KCNK10: variants seen among roughly 807,000 people sequenced by gnomAD.
KCNK10 encodes potassium channel subfamily K member 10.
A neutral mutation model predicts 47.7 loss-of-function variants in KCNK10; 25 were observed. That is an observed-to-expected ratio of 0.52 (90% CI 0.38 to 0.73). The LOEUF is 0.73. KCNK10 is among the 30% of genes least tolerant of loss of function. The pLI is 0.00. For missense variants in KCNK10, 563 were observed against 714.5 expected (o/e 0.79, Z 2.42); for synonymous variants, 303 against 285.6 (o/e 1.06, Z -0.61).
chr14:88,245,654 TTC>T (rs113325163), intron 2 of KCNK10, among the ~76,000 whole-genome samples: 10,388 of 152,230 alleles, frequency 0.068, 856 homozygotes, highest in African/African-American at 0.2. Context: ...GATCATCTGT[TTC>T]TCTGTTTCCT....
At chr14:88,238,178 C>A (rs1886349477) in intron 3 of KCNK10, among the ~76,000 whole-genome samples, 2 of 152,210 alleles carry the variant, frequency 1.3e-5, no homozygotes, top group Non-Finnish European at 2.9e-5. Flanking sequence ...TCTTCTGAAG[C>A]CTCCTTACCT....
Position 88,216,532 on chromosome 14 carries a change from A to C in KCNK10, c.681+10843T>G, listed in dbSNP as rs534703104. Reference sequence around the variant, plus strand: ...ACTCCTATGACAAAGAATTATCCAGACCAAAATGTCAATAGTATCGAGGCT... The same window carrying C: ...ACTCCTATGACAAAGAATTATCCAGCCCAAAATGTCAATAGTATCGAGGCT... On this transcript the variant is annotated intron_variant, in intron 4 of 6. Coordinates refer to ENST00000319231, the MANE Select transcript of KCNK10 (RefSeq NM_138317.3). Among the ~76,000 whole-genome samples, 8 of 152,254 alleles carry C rather than the reference A, an allele frequency of 5.3e-5. No homozygotes were observed. In the South Asian group the frequency reaches 1.7e-3, roughly 32 times the overall value.
chr14:88,230,122 T>C (rs890302118), intron 3 of KCNK10, among the ~76,000 whole-genome samples: 17 of 152,152 alleles, frequency 1.1e-4, no homozygotes, highest in African/African-American at 4.1e-4. Context: ...AAGAGTTACA[T>C]GTGAAGATTA....
chr14:88,234,248 C>T (rs1886234410), intron 3 of KCNK10, among the ~76,000 whole-genome samples: 1 of 152,192 alleles, frequency 6.6e-6, no homozygotes, highest in Non-Finnish European at 1.5e-5. Context: ...CTTCTAAGCC[C>T]CAGACCCACT....
chr14:88,205,221 C>T (rs1885231177), intron 4 of KCNK10, among the ~76,000 whole-genome samples: 1 of 152,226 alleles, frequency 6.6e-6, no homozygotes, highest in African/African-American at 2.4e-5. Flanking sequence ...GGCTTCATAG[C>T]TCATTTCTTT....
chr14:88,242,178 A>C (rs1886498314), intron 2 of KCNK10, among the ~76,000 whole-genome samples: 1 of 152,246 alleles, frequency 6.6e-6, no homozygotes, highest in African/African-American at 2.4e-5. Context: ...AGCTTTGTTA[A>C]AACAGGCATA....
chr14:88,194,981 ATC>A (rs1218370093), intron 4 of KCNK10, among the ~76,000 whole-genome samples: 4 of 151,992 alleles, frequency 2.6e-5, no homozygotes, highest in Non-Finnish European at 5.9e-5. Flanking sequence ...TTTTAGCAAT[ATC>A]TGTTATTCTA....
chr14:88,238,519 TA>T (rs1886360668), intron 3 of KCNK10, among the ~76,000 whole-genome samples: 1 of 152,054 alleles, frequency 6.6e-6, no homozygotes, highest in African/African-American at 2.4e-5. Flanking sequence ...AAAAAATGTT[TA>T]AAAAATTAGC....
intron 2 of KCNK10, among the ~76,000 whole-genome samples, chr14:88,243,229 A>G (rs749875604): frequency 6.6e-6 from 1 of 152,250 alleles, no homozygotes; most frequent in South Asian, 2.1e-4. Flanking sequence ...CGCCAGGTGC[A>G]CTAGAAGCGT....
At chr14:88,211,448 A>G (rs1318643278) in intron 4 of KCNK10, among the ~76,000 whole-genome samples, 1 of 152,210 alleles carries the variant, frequency 6.6e-6, no homozygotes, top group Non-Finnish European at 1.5e-5. Context: ...TTGCACAACA[A>G]TGTGAATGTA....
chr14:88,246,623 G>C (rs995140735), intron 2 of KCNK10, among the ~76,000 whole-genome samples: 2 of 152,260 alleles, frequency 1.3e-5, no homozygotes, highest in African/African-American at 4.8e-5. Flanking sequence ...GAGGGTCTCA[G>C]AGAGGATTTC....
intron 4 of KCNK10, among the ~76,000 whole-genome samples, chr14:88,193,413 GACTCTAAGCTGAAAA>G (rs1295443169): frequency 2.0e-5 from 3 of 152,150 alleles, no homozygotes; most frequent in East Asian, 3.9e-4. Context: ...CACTGGAATT[GACTCTAAGCTGAAAA>G]ACTCTAAGCT....
chr14:88,217,923 A>T (rs1885675624), intron 4 of KCNK10, among the ~76,000 whole-genome samples: 1 of 151,932 alleles, frequency 6.6e-6, no homozygotes, highest in Admixed American at 6.6e-5. Context: ...GGGTTTCATC[A>T]TGTTGGCCAG....
At chr14:88,193,002 T>C (rs1481635948) in intron 4 of KCNK10, among the ~76,000 whole-genome samples, 1 of 152,210 alleles carries the variant, frequency 6.6e-6, no homozygotes, top group Non-Finnish European at 1.5e-5. Context: ...CGCCCCCACA[T>C]TTTCCCTGCT....
intron 1 of KCNK10, among the ~76,000 whole-genome samples, chr14:88,290,102 T>A (rs1483884284): frequency 6.6e-6 from 1 of 152,168 alleles, no homozygotes; most frequent in African/African-American, 2.4e-5. Context: ...ACTTTACTAC[T>A]TTACACGACA....
chr14:88,194,793 T>G lies in KCNK10; in HGVS notation c.682-2383A>C, dbSNP rs190272632. ...TTGCCCCGGCTAACAAGTGTGTTCC[T>G]GGGCTGCTTCTCCTAGACATCCAAG... On this transcript the variant is annotated intron_variant, in intron 4 of 6. Transcript: ENST00000319231. Among the ~76,000 whole-genome samples the G allele has an allele frequency of 4.5e-4, 68 of 152,296 alleles. 1 individual carries two copies. The highest frequency in any genetic ancestry group is 1.6e-3 in the African/African-American group (68 of 41,554).
chr14:88,252,543 A>G (rs1006557144), intron 2 of KCNK10, among the ~76,000 whole-genome samples: 3 of 152,158 alleles, frequency 2.0e-5, no homozygotes, highest in Non-Finnish European at 4.4e-5. Flanking sequence ...GGTTATGGAG[A>G]GAACAGTTTG....
At chr14:88,305,564 C>T (rs1888187883) in intron 1 of KCNK10, among the ~76,000 whole-genome samples, 1 of 152,096 alleles carries the variant, frequency 6.6e-6, no homozygotes, top group South Asian at 2.1e-4. Context: ...CATTAGCCTG[C>T]CTGAGAGGTT....
At chr14:88,297,357 T>G (rs746747975) in intron 1 of KCNK10, among the ~76,000 whole-genome samples, 13 of 152,206 alleles carry the variant, frequency 8.5e-5, no homozygotes, top group Non-Finnish European at 1.5e-4. Flanking sequence ...TCTAGATCCA[T>G]TAATAGATTC....
Sources: gnomAD v4.1 joint callset for allele counts (sites outside exome capture counted in the v4.1 genomes callset) on GRCh38, gnomAD v4.1.1 for gene constraint, MANE v1.5 for transcripts, NCBI Gene and HGNC (gene_info 2026-07-23, HGNC 2026-07-21) for gene names.